ANKS6: variants seen among roughly 807,000 people sequenced by gnomAD.
ANKS6 encodes ankyrin repeat and sterile alpha motif domain containing 6, also known as ankyrin repeat and SAM domain-containing protein 6.
In ANKS6, 47 loss-of-function variants were observed where a neutral mutation model predicts 77.9. That is an observed-to-expected ratio of 0.60 (90% confidence interval 0.48 to 0.77). ANKS6 has a LOEUF of 0.77. ANKS6 is among the 30% of genes least tolerant of loss of function. ANKS6 has a pLI of 0.00. For synonymous variants in ANKS6, 488 were observed against 501.7 expected, an observed-to-expected ratio of 0.97 and a Z score of 0.37; for missense variants, 1,150 against 1,159.1, an observed-to-expected ratio of 0.99 and a Z score of 0.11.
intron 11 of ANKS6, among the ~76,000 whole-genome samples, chr9:98,766,334 A>ATT (rs1833289102): frequency 6.6e-6 from 1 of 152,208 alleles, no homozygotes; most frequent in African/African-American, 2.4e-5. Flanking sequence ...CTTATTTCCA[A>ATT]TAAAAATTAA....
intron 1 of ANKS6, 97 bp from the exon 2 acceptor site, chr9:98,790,703 C>T: frequency 6.8e-7 from 1 of 1,465,608 alleles, no homozygotes; most frequent in Admixed American, 2.0e-5. Context: ...GTCCTGACAG[C>T]TGCTCATGAT....
intron 12 of ANKS6, among the ~76,000 whole-genome samples, chr9:98,751,803 C>T (rs1426080779): frequency 2.6e-5 from 4 of 152,250 alleles, no homozygotes; most frequent in East Asian, 1.9e-4. Context: ...TGACAGAGGC[C>T]GGGCAGGTCG....
intron 5 of ANKS6, 102 bp from the exon 6 acceptor site, chr9:98,780,439 G>A (rs1282196734): frequency 7.5e-7 from 1 of 1,332,996 alleles, no homozygotes; most frequent in African/African-American, 1.5e-5. Context: ...CAGCCCTGCA[G>A]CTCCAGGGTC....
intron 12 of ANKS6, among the ~76,000 whole-genome samples, 190 bp downstream of exon 12, chr9:98,756,230 C>T (rs1283095164): frequency 6.6e-6 from 1 of 152,140 alleles, no homozygotes; most frequent in Non-Finnish European, 1.5e-5. Flanking sequence ...AGGGAGCTTA[C>T]CATACCTTTA....
At chr9:98,748,592 C>T (rs1832267729) in intron 13 of ANKS6, among the ~76,000 whole-genome samples, 2 of 152,172 alleles carry the variant, frequency 1.3e-5, no homozygotes, top group Non-Finnish European at 2.9e-5. Flanking sequence ...CAGTCTCCTT[C>T]CATCCTGCTG....
chr9:98,784,198 G>A (rs1834436251), intron 3 of ANKS6, 41 bp from the exon 4 acceptor site: 1 of 1,486,450 alleles, frequency 6.7e-7, no homozygotes, highest in Non-Finnish European at 9.0e-7. Context: ...TGTGGGCCTG[G>A]TACCATAGGC....
At position 98,733,350 on chromosome 9, in the gene ANKS6, G is replaced by C. The variant is rs1216932236; in HGVS notation, c.*3169C>G. 1 of 985,358 alleles carries C rather than the reference G, an allele frequency of 1.0e-6. No homozygotes were observed. Among genetic ancestry groups the C allele is most frequent in the African/African-American group, 1.7e-5 (1 of 57,224 alleles). 61.0% of individuals were successfully genotyped at this position (985,358 alleles called of 1,614,324 possible). On this transcript the variant is annotated 3_prime_UTR_variant, in exon 15 of 15. Transcript: ENST00000353234. Reference sequence around the variant, plus strand: ...CGACACACCAGCAAGACACTGCCTGGGTGCTGGGAAACAATGCCCTCCACC... The same window carrying C: ...CGACACACCAGCAAGACACTGCCTGCGTGCTGGGAAACAATGCCCTCCACC...
At position 98,756,569 on chromosome 9, in the gene ANKS6, G is replaced by A. The variant is rs769046492; in HGVS notation, c.2177C>T (p.Thr726Ile). The A allele has an allele frequency of 9.0e-6, 14 of 1,557,960 alleles. No individual in the cohort carries two copies. Among genetic ancestry groups the A allele is most frequent in the East Asian group, 4.6e-5 (2 of 43,134 alleles). Residue 726 changes from threonine to isoleucine, a missense_variant, in exon 12 of 15, where the codon ACT (threonine) becomes ATT (isoleucine). Transcript: ENST00000353234. The part of the protein sequence containing the change: ...LETSKRPPSG[T>I]STTSKSTSPT... ...AGAGGTGCTCTTGGAGGTAGTGGAA[G>A]TTCCAGATGGAGGCCTTTTGCTGGT...
In ANKS6 at chr9:98,756,538, G is replaced by T. The variant is rs1451629399; in HGVS notation, c.2208C>A (p.Thr736=). 2 of 1,593,462 alleles carry T rather than the reference G, an allele frequency of 1.3e-6. No homozygotes were observed. Among genetic ancestry groups the T allele is most frequent in the East Asian group, 4.5e-5 (2 of 44,216 alleles). Residue 736 remains threonine, a synonymous_variant, in exon 12 of 15, where the codon ACC becomes ACA. Transcript: ENST00000353234. ...CTTTGGGTGAGGGGGAGGGCGTGAG[G>T]GTTGGAGAGGTGCTCTTGGAGGTAG... The part of the protein sequence containing the change: ...TSTTSKSTSP[T]LTPSPSPKGH...
chr9:98,766,574 A>C (rs1002983953), intron 11 of ANKS6, among the ~76,000 whole-genome samples: 1 of 152,232 alleles, frequency 6.6e-6, no homozygotes, highest in Non-Finnish European at 1.5e-5. Context: ...GAATTATAAA[A>C]GGAACTTAAT....
chr9:98,744,792 TCAA>T (rs960529613), intron 14 of ANKS6, among the ~76,000 whole-genome samples: 20 of 151,954 alleles, frequency 1.3e-4, no homozygotes, highest in African/African-American at 4.6e-4. Flanking sequence ...AGACTACTGT[TCAA>T]CAAGTGGAAA....
chr9:98,795,833 A>G (rs1208005696), intron 1 of ANKS6, among the ~76,000 whole-genome samples: 1 of 152,050 alleles, frequency 6.6e-6, no homozygotes, highest in Non-Finnish European at 1.5e-5. Context: ...TTCTGAGGAA[A>G]CTCTTACTGC....
At chr9:98,789,269 G>A (rs982827819) in intron 2 of ANKS6, among the ~76,000 whole-genome samples, 1 of 151,796 alleles carries the variant, frequency 6.6e-6, no homozygotes, top group Admixed American at 6.6e-5. Flanking sequence ...TCCTGCCGTC[G>A]AAGTCAGGCC....
chr9:98,736,282 C>G lies in ANKS6; in HGVS notation c.*237G>C, dbSNP rs10760479. ...TCCCTGCATCACTGTGTGAACCAAC[C>G]TGCCAAGCAGAAGCACCCCCACTGG... On this transcript the variant is annotated 3_prime_UTR_variant, in exon 15 of 15. Transcript: ENST00000353234. 942,672 of 1,347,724 alleles carry G rather than the reference C, an allele frequency of 0.7. 335,108 individuals are homozygous for G. Among genetic ancestry groups the G allele is most frequent in the Non-Finnish European group, 0.73 (770,995 of 1,053,554 alleles). The allele number at this position is 1,347,724 out of a possible 1,614,324, so 83.5% of individuals were successfully genotyped here.
At position 98,732,100 on chromosome 9, in the gene ANKS6, C is replaced by G. The variant is rs1831234358; in HGVS notation, c.*4419G>C. 4.8e-6 allele frequency: 1 copy of G among 207,650 alleles called. No individual in the cohort carries two copies. The highest frequency in any genetic ancestry group is 9.8e-6 in the Non-Finnish European group (1 of 102,414). 12.9% of individuals were successfully genotyped at this position (207,650 alleles called of 1,614,324 possible). A position where few individuals can be genotyped will look rare whatever the true frequency, so the allele number is the denominator to read the frequency against. On this transcript the variant is annotated 3_prime_UTR_variant, in exon 15 of 15. Coordinates refer to ENST00000353234, the MANE Select transcript of ANKS6 (RefSeq NM_173551.5). ...CTGCTGGTTAACAAGACACGATTAA[C>G]TTGCTAGGAATGGACAAGGACAGCG... is the stretch of plus-strand genomic sequence containing the variant.
chr9:98,767,452 A>G (rs1202403983), intron 11 of ANKS6, among the ~76,000 whole-genome samples: 1 of 152,032 alleles, frequency 6.6e-6, no homozygotes, highest in Non-Finnish European at 1.5e-5. Context: ...CTGTGCCCCT[A>G]CAGCATCCTT....
At chr9:98,792,659 A>G (rs1834964067) in intron 1 of ANKS6, among the ~76,000 whole-genome samples, 1 of 152,248 alleles carries the variant, frequency 6.6e-6, no homozygotes. Flanking sequence ...ACAGCAGATT[A>G]CAAGGTGCGT....
chr9:98,748,704 G>A (rs948019827), intron 13 of ANKS6, among the ~76,000 whole-genome samples: 5 of 152,126 alleles, frequency 3.3e-5, no homozygotes, highest in Non-Finnish European at 7.3e-5. Flanking sequence ...GCTAGAAGGA[G>A]CCTAGATGAC....
chr9:98,761,976 G>A (rs888381317), intron 11 of ANKS6, among the ~76,000 whole-genome samples: 2 of 152,102 alleles, frequency 1.3e-5, no homozygotes, highest in Admixed American at 6.5e-5. Context: ...CATTTAATCT[G>A]TAGATCAAAT....
Sources: allele counts gnomAD v4.1 joint callset (sites outside exome capture counted in the v4.1 genomes callset), GRCh38; gene constraint gnomAD v4.1.1; transcripts MANE v1.5; gene names NCBI Gene and HGNC (gene_info 2026-07-23, HGNC 2026-07-21).